The following PLEKHM1 variants were observed in gnomAD, a reference collection of about 807,000 sequenced individuals.
PLEKHM1 encodes the protein pleckstrin homology domain-containing family M member 1.
In PLEKHM1, 28 loss-of-function variants were observed where a neutral mutation model predicts 94.3. The observed-to-expected ratio is 0.30, with a 90% CI of 0.22 to 0.41. PLEKHM1 has a LOEUF of 0.41. PLEKHM1 is among the 10% of genes least tolerant of loss of function. The pLI, the probability that PLEKHM1 is intolerant of heterozygous loss-of-function variation, is 1.00. For synonymous variants in PLEKHM1, 424 were observed against 581.2 expected, an observed-to-expected ratio of 0.73 and a Z score of 3.89; for missense variants, 907 against 1,358.6, an observed-to-expected ratio of 0.67 and a Z score of 5.22.
At position 45,463,593 on chromosome 17, in the gene PLEKHM1, A is replaced by G. The variant is rs529635022; in HGVS notation, c.1308+4616T>C. 3.7e-4 allele frequency among the ~76,000 whole-genome samples: 57 copies of G among 152,302 alleles called. No homozygotes were observed. The South Asian group carries it at 4.8e-3, about 13-fold the overall frequency. On this transcript the variant is annotated intron_variant, in intron 5 of 11. Transcript: ENST00000430334. ...TTTTTAGTACAGACGGGGTTTCACC[A>G]TATTGGTCAGGCTGGTCTCAAACTC... is the stretch of plus-strand genomic sequence containing the variant.
intron 6 of PLEKHM1, chr17:45,456,469 A>G (rs1294238568): frequency 6.6e-6 from 1 of 152,258 alleles, no homozygotes. Context: ...AGGACACACA[A>G]TTCTCTCTCC....
At chr17:45,457,302 C>G (rs1348740713) in intron 6 of PLEKHM1, among the ~76,000 whole-genome samples, 2 of 151,948 alleles carry the variant, frequency 1.3e-5, no homozygotes, top group African/African-American at 2.4e-5. Flanking sequence ...GTGGCTCATG[C>G]CTGTAATCCC....
intron 5 of PLEKHM1, chr17:45,464,161 G>C (rs1226552319): frequency 6.6e-6 from 1 of 152,216 alleles, no homozygotes; most frequent in African/African-American, 2.4e-5. Context: ...TCACCCTTGA[G>C]AGGCCCCTAC....
chr17:45,435,536 G>A (rs2050233695), downstream of PLEKHM1, among the ~76,000 whole-genome samples: 1 of 152,180 alleles, frequency 6.6e-6, no homozygotes, highest in South Asian at 2.1e-4. Flanking sequence ...CCTGTATCCT[G>A]AGGTTTCACA....
At chr17:45,457,711 G>A (rs2051010878) in intron 6 of PLEKHM1, among the ~76,000 whole-genome samples, 1 of 152,080 alleles carries the variant, frequency 6.6e-6, no homozygotes, top group Non-Finnish European at 1.5e-5. Context: ...GGCAACAAAG[G>A]GAGACTCCAT....
At chr17:45,472,884 G>A (rs1205096835) in intron 4 of PLEKHM1, among the ~76,000 whole-genome samples, 1 of 152,168 alleles carries the variant, frequency 6.6e-6, no homozygotes, top group Non-Finnish European at 1.5e-5. Context: ...GAACCAAGGC[G>A]AGGGCACAGG....
At position 45,453,754 on chromosome 17, in the gene PLEKHM1, G is replaced by C. The variant is rs773494068; in HGVS notation, c.2098C>G (p.Pro700Ala). ...TCCAAGGACAGAGAAAATATATAGGGCATCCAGGTCCTGTCCATGTACAAG... is the reference window on the plus strand; with the variant it reads ...TCCAAGGACAGAGAAAATATATAGGCCATCCAGGTCCTGTCCATGTACAAG... ...LYLYMDRTWM[P>A]YIFSLSLEAL... is the part of the protein sequence containing the mutation. The change falls in exon 7 of 12, where the codon CCC becomes GCC. Residue 700 changes from proline to alanine, a missense_variant. By Grantham distance (27) the Pro-to-Ala change is conservative. Coordinates refer to ENST00000430334, the MANE Select transcript of PLEKHM1 (RefSeq NM_014798.3). This position sits in a 1 kb window ranked among gnomAD's most constrained non-coding sequence, Gnocchi z 4.1. 6.2e-7 allele frequency: 1 copy of C among 1,613,946 alleles called. No homozygotes were observed.
intron 8 of PLEKHM1, chr17:45,447,980 TAG>T (rs67640411): frequency 0.13 from 19,374 of 152,042 alleles, 1,562 homozygotes; most frequent in Middle Eastern, 0.21. Context: ...TATTTTTTAG[TAG>T]AGACAGGGTT....
chr17:45,478,501 G>A (rs1486817566), intron 2 of PLEKHM1, among the ~76,000 whole-genome samples: 2 of 152,152 alleles, frequency 1.3e-5, no homozygotes, highest in Non-Finnish European at 2.9e-5. Context: ...GCAGTGATGG[G>A]AGCTTGGGTA....
Position 45,435,975 on chromosome 17 carries a change from A to C in PLEKHM1, c.*1883T>G. On this transcript the variant is annotated 3_prime_UTR_variant, in exon 12 of 12. Coordinates refer to ENST00000430334, the MANE Select transcript of PLEKHM1 (RefSeq NM_014798.3). ...CAGCAATTCCTTCAATACATTGCAA[A>C]GACTCCTCAGGGCCAGAGCCCTGCT... The C allele has an allele frequency of 2.2e-6, 1 of 456,690 alleles. No homozygotes were observed. Among genetic ancestry groups the C allele is most frequent in the Non-Finnish European group, 4.4e-6 (1 of 226,966 alleles). The allele number at this position is 456,690 out of a possible 1,614,324, so 28.3% of individuals were successfully genotyped here. A position where few individuals can be genotyped will look rare whatever the true frequency, so the allele number is the denominator to read the frequency against.
rs1234034282 is a variant in PLEKHM1, at chr17:45,490,665, G to A, written c.-55C>T. ...CCCCTAACTCACCAAGCGGAGCGAG[G>A]AGCGAGGCGAGGGGCGCTCCCGGCC... On this transcript the variant is annotated 5_prime_UTR_variant, in exon 1 of 12. Transcript: ENST00000430334. 2.2e-6 allele frequency: 1 copy of A among 450,642 alleles called. No individual in the cohort carries two copies. Among genetic ancestry groups the A allele is most frequent in the East Asian group, 7.2e-5 (1 of 13,914 alleles). 27.9% of individuals were successfully genotyped at this position (450,642 alleles called of 1,614,324 possible).
At position 45,453,347 on chromosome 17, in the gene PLEKHM1, A is replaced by G. The variant is rs1176962611; in HGVS notation, c.2497+8T>C. 3 of 1,611,516 alleles carry G rather than the reference A, an allele frequency of 1.9e-6. No individual in the cohort carries two copies. Among genetic ancestry groups the G allele is most frequent in the African/African-American group, 2.7e-5 (2 of 74,936 alleles). On this transcript the variant is annotated splice_region_variant and intron_variant, in intron 7 of 11. Coordinates refer to ENST00000430334, the MANE Select transcript of PLEKHM1 (RefSeq NM_014798.3). The surrounding 1 kb of genome is among the most constrained non-coding windows in gnomAD (Gnocchi z 4.1). ...CAGGCTGGGGGTGGCAGCAGAGCAA[A>G]TCGGCACCTGCGCAGAAGCAGCCTT...
chr17:45,466,891 C>T (rs934748134), intron 5 of PLEKHM1, among the ~76,000 whole-genome samples: 5 of 152,046 alleles, frequency 3.3e-5, no homozygotes, highest in African/African-American at 1.2e-4. Context: ...GGTATATATA[C>T]CCACAGAAAT....
At chr17:45,454,649 G>A (rs2050889677) in intron 6 of PLEKHM1, 1 of 440,682 alleles carries the variant, frequency 2.3e-6, no homozygotes, top group Admixed American at 3.5e-5. Context: ...AACTACTCAA[G>A]GACAAGGAGC....
At chr17:45,447,879 T>C (rs2684662) in intron 8 of PLEKHM1, 1 of 151,190 alleles carries the variant, frequency 6.6e-6, no homozygotes, top group African/African-American at 2.4e-5. Context: ...CTCACCACAA[T>C]ATCCGCCTCC....
chr17:45,446,007 C>T, intron 8 of PLEKHM1: 1 of 443,318 alleles, frequency 2.3e-6, no homozygotes, highest in Non-Finnish European at 4.1e-6. Context: ...TCCTGTCCTC[C>T]CAGCCCCTAT....
chr17:45,445,667 G>A lies in PLEKHM1; in HGVS notation c.2644-4C>T. The stretch of plus-strand genomic sequence containing the variant: ...ACTTCAGGGCCTGCCTGCAGATCTG[G>A]GGGTACCACCAGGCATTGGGGATGG... On this transcript the variant is annotated splice_region_variant and splice_polypyrimidine_tract_variant and intron_variant, in intron 8 of 11. Coordinates refer to ENST00000430334, the MANE Select transcript of PLEKHM1 (RefSeq NM_014798.3). This position sits in a 1 kb window ranked among gnomAD's most constrained non-coding sequence, Gnocchi z 4.2. The A allele has an allele frequency of 1.9e-6, 3 of 1,613,490 alleles. No homozygotes were observed. Among genetic ancestry groups the A allele is most frequent in the Non-Finnish European group, 2.5e-6 (3 of 1,179,792 alleles).
At chr17:45,488,728 C>G (rs1157614931) in intron 1 of PLEKHM1, among the ~76,000 whole-genome samples, 4 of 151,916 alleles carry the variant, frequency 2.6e-5, no homozygotes, top group African/African-American at 4.8e-5. Context: ...CACCTGAGGT[C>G]GGGAGTTGGA....
rs375374767 is a variant in PLEKHM1, at chr17:45,454,147, C to T, written c.1705G>A (p.Glu569Lys). Residue 569 changes from glutamate (E) to lysine (K), a missense_variant, in exon 7 of 12, where the codon GAG becomes AAG. Transcript: ENST00000430334. ...PLEFRLYLSN[E>K]EHTCVENCSL... Reference sequence around the variant, plus strand: ...CAGTTCTCCACACAGGTGTGCTCCTCGTTGCTCAGGTAGAGGCGGAACTCC... The same window carrying T: ...CAGTTCTCCACACAGGTGTGCTCCTTGTTGCTCAGGTAGAGGCGGAACTCC... 1.2e-5 allele frequency: 20 copies of T among 1,613,978 alleles called. No homozygotes were observed. The highest frequency in any genetic ancestry group is 1.5e-5 in the Non-Finnish European group (18 of 1,180,042).
Sources: gnomAD v4.1 joint callset for allele counts (sites outside exome capture counted in the v4.1 genomes callset) on GRCh38, gnomAD v4.1.1 for gene constraint, Gnocchi (gnomAD v3.1) non-coding constraint, MANE v1.5 for transcripts, NCBI Gene and HGNC (gene_info 2026-07-23, HGNC 2026-07-21) for gene names.